The following CRB1 variants were observed in gnomAD, a reference collection of about 807,000 sequenced individuals.
CRB1 encodes the protein crumbs cell polarity complex component 1.
CRB1 carries 83 observed loss-of-function variants against 120.0 expected under a neutral mutation model. That is an observed-to-expected ratio of 0.69 (90% confidence interval 0.58 to 0.83). The LOEUF (loss-of-function observed/expected upper bound fraction) is 0.83, where lower values mean the gene tolerates loss of function less well. CRB1 is among the 40% of genes least tolerant of loss of function. CRB1 has a pLI of 0.00. For missense variants in CRB1, 1,699 were observed against 1,687.6 expected (o/e 1.01, Z -0.12); for synonymous variants, 625 against 612.5 (o/e 1.02, Z -0.30).
At chr1:197,327,423 T>C (rs888370289) in intron 1 of CRB1, among the ~76,000 whole-genome samples, 6 of 152,332 alleles carry the variant, frequency 3.9e-5, no homozygotes, top group African/African-American at 1.4e-4. Flanking sequence ...TCTTGCACCT[T>C]GCACTGTTTC....
At position 197,319,432 on chromosome 1, in the gene CRB1, C is replaced by CAAAAAAA. The variant is rs10646084; in HGVS notation, c.71-8970_71-8964dup. 1.7e-3 allele frequency among the ~76,000 whole-genome samples: 47 copies of CAAAAAAA among 27,058 alleles called. 1 individual carries two copies. Among genetic ancestry groups the CAAAAAAA allele is most frequent in the East Asian group, 5.8e-3 (5 of 868 alleles). 17.8% of individuals were successfully genotyped at this position (27,058 alleles called of 152,430 possible). A position where few individuals can be genotyped will look rare whatever the true frequency, so the allele number is the denominator to read the frequency against. ...TGGGTGACAGAGTGAGACTCCATCT[C>CAAAAAAA]AAAAAAAAAAAAAAAAAAAAAAAAA... On this transcript the variant is annotated intron_variant, in intron 1 of 11. Transcript: ENST00000367400.
At chr1:197,337,859 A>G (rs1375767266) in intron 2 of CRB1, among the ~76,000 whole-genome samples, 3 of 152,166 alleles carry the variant, frequency 2.0e-5, no homozygotes, top group African/African-American at 7.2e-5. Context: ...TAAAATGGCC[A>G]TATCATAAAA....
At chr1:197,413,277 A>ATT (rs1408399286) in intron 5 of CRB1, among the ~76,000 whole-genome samples, 1 of 152,214 alleles carries the variant, frequency 6.6e-6, no homozygotes, top group Non-Finnish European at 1.5e-5. Context: ...ACAAAATTAA[A>ATT]TGCCATTGGA....
intron 5 of CRB1, among the ~76,000 whole-genome samples, chr1:197,366,296 A>C (rs918195400): frequency 6.6e-6 from 1 of 152,062 alleles, no homozygotes; most frequent in Admixed American, 6.5e-5. Flanking sequence ...ACTTTTTTAC[A>C]TGCTATGTGT....
At chr1:197,334,425 AG>A (rs1024415278) in intron 2 of CRB1, among the ~76,000 whole-genome samples, 49 of 152,186 alleles carry the variant, frequency 3.2e-4, no homozygotes, top group African/African-American at 1.2e-3. Flanking sequence ...AACTAAGAGG[AG>A]GTATTTAGGC....
At chr1:197,428,887 A>C in intron 7 of CRB1, 1 of 1,376,568 alleles carries the variant, frequency 7.3e-7, no homozygotes, top group South Asian at 1.4e-5. Context: ...TGCTCTAATA[A>C]ATTTCTTTTT....
At chr1:197,313,011 G>A (rs184639568) in intron 1 of CRB1, among the ~76,000 whole-genome samples, 1 of 152,308 alleles carries the variant, frequency 6.6e-6, no homozygotes, top group East Asian at 1.9e-4. Flanking sequence ...ATGAAGGAAA[G>A]AGGTTTGATT....
the CRB1 span, among the ~76,000 whole-genome samples, chr1:197,245,365 T>C: frequency 6.6e-6 from 1 of 152,194 alleles, no homozygotes; most frequent in Non-Finnish European, 1.5e-5. Flanking sequence ...GGCACAATGG[T>C]GTGCATCTGT....
chr1:197,234,853 C>A, the CRB1 span, among the ~76,000 whole-genome samples: 1 of 152,216 alleles, frequency 6.6e-6, no homozygotes, highest in African/African-American at 2.4e-5. Context: ...GGAAAGCAGT[C>A]AATTAGGCCA....
At chr1:197,400,049 G>A (rs1369593758) in intron 5 of CRB1, among the ~76,000 whole-genome samples, 1 of 152,066 alleles carries the variant, frequency 6.6e-6, no homozygotes, top group Non-Finnish European at 1.5e-5. Context: ...CTGGACATGG[G>A]GATCATTGGG....
chr1:197,429,139 T>A (rs1349175382), intron 7 of CRB1: 6 of 1,532,228 alleles, frequency 3.9e-6, no homozygotes, highest in Non-Finnish European at 5.2e-6. Flanking sequence ...TGATAATTAG[T>A]GCATGTGAAA....
chr1:197,395,971 A>G (rs940003121), intron 5 of CRB1, among the ~76,000 whole-genome samples: 1 of 152,158 alleles, frequency 6.6e-6, no homozygotes, highest in Non-Finnish European at 1.5e-5. Context: ...TCTATTCTAC[A>G]TTGTATTGGT....
chr1:197,323,793 C>T (rs957011186), intron 1 of CRB1, among the ~76,000 whole-genome samples: 1 of 152,058 alleles, frequency 6.6e-6, no homozygotes, highest in African/African-American at 2.4e-5. Flanking sequence ...ACCCTAACGC[C>T]CAAGACCTGA....
chr1:197,317,461 C>T (rs1657922019), intron 1 of CRB1, among the ~76,000 whole-genome samples: 1 of 151,616 alleles, frequency 6.6e-6, no homozygotes, highest in African/African-American at 2.4e-5. Context: ...AACAAAAAAC[C>T]AATGACAATC....
chr1:197,294,915 G>A (rs1656431016), intron 1 of CRB1, among the ~76,000 whole-genome samples: 1 of 152,220 alleles, frequency 6.6e-6, no homozygotes, highest in African/African-American at 2.4e-5. Flanking sequence ...GTGGGGTAGA[G>A]GGAGAGGGGA....
At chr1:197,458,669 C>A (rs1666391265) in intron 11 of CRB1, among the ~76,000 whole-genome samples, 1 of 152,058 alleles carries the variant, frequency 6.6e-6, no homozygotes, top group Admixed American at 6.6e-5. Flanking sequence ...AGCATCTTCC[C>A]AAAGTCACCA....
At chr1:197,276,805 A>G (rs1278153225) in intron 1 of CRB1, among the ~76,000 whole-genome samples, 2 of 151,926 alleles carry the variant, frequency 1.3e-5, no homozygotes, top group African/African-American at 4.8e-5. Context: ...AGTATCTCTC[A>G]TTCTTGCAAT....
the CRB1 span, among the ~76,000 whole-genome samples, chr1:197,232,626 A>AATTC: frequency 6.6e-6 from 1 of 152,170 alleles, no homozygotes. Flanking sequence ...TTTAGTTAAA[A>AATTC]ATTCATGATT....
At chr1:197,426,089 C>T (rs868526244) in intron 6 of CRB1, among the ~76,000 whole-genome samples, 1 of 151,866 alleles carries the variant, frequency 6.6e-6, no homozygotes, top group African/African-American at 2.4e-5. Context: ...AAATCTTTTC[C>T]TCCAGTTTTC....
Sources: allele counts gnomAD v4.1 joint callset (sites outside exome capture counted in the v4.1 genomes callset), GRCh38; gene constraint gnomAD v4.1.1; transcripts MANE v1.5; gene names NCBI Gene and HGNC (gene_info 2026-07-23, HGNC 2026-07-21).